Variants in ARID1B observed in about 807,000 individuals in gnomAD.
ARID1B encodes the protein AT-rich interactive domain-containing protein 1B.
A neutral mutation model predicts 212.3 loss-of-function variants in ARID1B; 30 were observed. The ratio of observed to expected loss-of-function variants is 0.14; its 90% confidence interval spans 0.11 to 0.19. The LOEUF (loss-of-function observed/expected upper bound fraction) is 0.19, where lower values mean the gene tolerates loss of function less well. Ranked by LOEUF, ARID1B falls within the 10% of genes least tolerant of loss-of-function variation. The probability of loss-of-function intolerance (pLI) is 1.00; values close to 1 mark genes in which losing one functional copy is unlikely to be tolerated. For missense variants in ARID1B, 2,891 were observed against 3,204.0 expected, an observed-to-expected ratio of 0.90 and a Z score of 2.36; for synonymous variants, 1,402 against 1,301.7, an observed-to-expected ratio of 1.08 and a Z score of -1.66.
chr6:157,147,957 C>T (rs1207793613), intron 7 of ARID1B, among the ~76,000 whole-genome samples: 1 of 137,708 alleles, frequency 7.3e-6, no homozygotes, highest in Non-Finnish European at 1.6e-5. Context: ...GCCAGCTCTC[C>T]TGCTGCCGTG....
At position 157,015,256 on chromosome 6, in the gene ARID1B, T is replaced by C. The variant is rs74504628; in HGVS notation, c.2248-69406T>C. On this transcript the variant is annotated intron_variant, in intron 4 of 19. Coordinates refer to ENST00000636930, the MANE Select transcript of ARID1B (RefSeq NM_001374828.1). ...GGAGAAATGGATAAGTCCCGGAGTT[T>C]TGAGCTTGGGCAGATTGGGAAATAG... is the stretch of plus-strand genomic sequence containing the variant. Among the ~76,000 whole-genome samples the C allele has an allele frequency of 6.6e-3, 1,007 of 152,334 alleles. 18 individuals are homozygous for C. Among genetic ancestry groups the C allele is most frequent in the African/African-American group, 0.023 (958 of 41,578 alleles).
chr6:156,921,454 C>CACACACAT (rs1790783356), intron 3 of ARID1B, among the ~76,000 whole-genome samples: 1 of 139,716 alleles, frequency 7.2e-6, no homozygotes, highest in Non-Finnish European at 1.5e-5. Context: ...CACACACACA[C>CACACACAT]ACACACACAC....
intron 4 of ARID1B, among the ~76,000 whole-genome samples, chr6:157,067,168 C>G (rs1783721497): frequency 6.6e-6 from 1 of 152,168 alleles, no homozygotes; most frequent in Admixed American, 6.5e-5. Flanking sequence ...AGTATTTGTA[C>G]TAGTTTGTCA....
At chr6:156,878,605 C>T (rs1357340891) in intron 2 of ARID1B, among the ~76,000 whole-genome samples, 1 of 152,220 alleles carries the variant, frequency 6.6e-6, no homozygotes, top group Non-Finnish European at 1.5e-5. Flanking sequence ...ATCTAGCTGC[C>T]TGTAACTCCA....
Position 157,209,392 on chromosome 6 carries a change from T to A in ARID1B, c.*1501T>A, listed in dbSNP as rs1238712123. ...TAAAACCCTACATTTGGAAGAGACC[T>A]TTAGGGGTTACCTACTTTAGAGTGG... is the stretch of plus-strand genomic sequence containing the variant. On this transcript the variant is annotated 3_prime_UTR_variant, in exon 20 of 20. Transcript: ENST00000636930. 4.3e-6 allele frequency: 1 copy of A among 232,324 alleles called. No individual in the cohort carries two copies. Among genetic ancestry groups the A allele is most frequent in the African/African-American group, 2.2e-5 (1 of 45,302 alleles). The allele number at this position is 232,324 out of a possible 1,614,324, so 14.4% of individuals were successfully genotyped here.
chr6:156,834,361 T>C (rs1265122124), intron 2 of ARID1B, among the ~76,000 whole-genome samples: 2 of 152,180 alleles, frequency 1.3e-5, no homozygotes, highest in Non-Finnish European at 2.9e-5. Context: ...TGGAGAGGAA[T>C]GGGTGCCTGG....
chr6:157,069,910 T>C (rs1258696982), intron 4 of ARID1B, among the ~76,000 whole-genome samples: 1 of 152,202 alleles, frequency 6.6e-6, no homozygotes, highest in Non-Finnish European at 1.5e-5. Context: ...CGAATAACGT[T>C]TCTCCTTGGA....
intron 4 of ARID1B, among the ~76,000 whole-genome samples, chr6:156,957,178 T>C (rs1164341249): frequency 6.6e-6 from 1 of 152,222 alleles, no homozygotes; most frequent in African/African-American, 2.4e-5. Context: ...GGAGTAAGAA[T>C]GGCACACTTG....
intron 4 of ARID1B, among the ~76,000 whole-genome samples, chr6:157,031,419 A>C (rs1781010187): frequency 6.6e-6 from 1 of 152,220 alleles, no homozygotes; most frequent in East Asian, 1.9e-4. Context: ...TTCCAAGAGC[A>C]TCTAAATTCT....
At chr6:157,046,703 C>T (rs12663192) in intron 4 of ARID1B, among the ~76,000 whole-genome samples, 42,583 of 151,964 alleles carry the variant, frequency 0.28, 6,225 homozygotes, top group Non-Finnish European at 0.32. Context: ...CAAACAAATC[C>T]TTTCATTAAG....
chr6:156,973,700 G>T (rs967900367), intron 4 of ARID1B, among the ~76,000 whole-genome samples: 1 of 152,156 alleles, frequency 6.6e-6, no homozygotes, highest in Non-Finnish European at 1.5e-5. Context: ...GACTTGATTT[G>T]TTTGTCTTGA....
chr6:157,082,863 T>A (rs2128457883), intron 4 of ARID1B, among the ~76,000 whole-genome samples: 1 of 152,388 alleles, frequency 6.6e-6, no homozygotes, highest in East Asian at 1.9e-4. Context: ...AAAGATATTC[T>A]TCTTAGCAGA....
chr6:157,039,479 C>T (rs949833954), intron 4 of ARID1B, among the ~76,000 whole-genome samples: 10 of 151,216 alleles, frequency 6.6e-5, no homozygotes, highest in Non-Finnish European at 7.4e-5. Flanking sequence ...TACAGGCGCC[C>T]GCCACCGCGC....
At position 157,189,751 on chromosome 6, in the gene ARID1B, C is replaced by T. The variant is rs771632801; in HGVS notation, c.4029C>T (p.His1343=). 35 of 1,613,730 alleles carry T rather than the reference C, an allele frequency of 2.2e-5. No individual in the cohort carries two copies. Among genetic ancestry groups the T allele is most frequent in the Middle Eastern group, 1.6e-4 (1 of 6,084 alleles). Residue 1343 remains histidine (H), a synonymous_variant, in exon 14 of 20, where the codon CAC becomes CAT. Transcript: ENST00000636930. The part of the protein sequence containing the change: ...LKPPTPASTP[H]GQMTPMQGGR... ...CACCTACCCCAGCCTCCACCCCTCA[C>T]GGCCAGATGACTCCAATGCAAGGTG...
At chr6:156,834,368 C>T (rs906481486) in intron 2 of ARID1B, among the ~76,000 whole-genome samples, 2 of 152,198 alleles carry the variant, frequency 1.3e-5, no homozygotes, top group African/African-American at 2.4e-5. Flanking sequence ...GAATGGGTGC[C>T]TGGTGCCTGT....
At chr6:157,188,623 G>C (rs1036965582) in intron 13 of ARID1B, among the ~76,000 whole-genome samples, 1 of 152,120 alleles carries the variant, frequency 6.6e-6, no homozygotes, top group Non-Finnish European at 1.5e-5. Flanking sequence ...TTTGTTCGGG[G>C]GGTTCTGCAC....
chr6:156,902,355 G>GTGGA (rs1789015672), intron 3 of ARID1B, among the ~76,000 whole-genome samples: 1 of 152,112 alleles, frequency 6.6e-6, no homozygotes, highest in Admixed American at 6.5e-5. Context: ...CTTTTGTGTG[G>GTGGA]TGGAGGTGGC....
intron 4 of ARID1B, among the ~76,000 whole-genome samples, chr6:156,983,501 T>G (rs542084570): frequency 2.6e-5 from 4 of 152,300 alleles, no homozygotes; most frequent in Admixed American, 2.6e-4. Flanking sequence ...TCAGCCAGCT[T>G]TTTCACTGGG....
At chr6:157,106,279 A>T (rs543725447) in intron 5 of ARID1B, among the ~76,000 whole-genome samples, 6 of 152,184 alleles carry the variant, frequency 3.9e-5, no homozygotes, top group African/African-American at 1.4e-4. Flanking sequence ...AGGCACATTC[A>T]TTATCTCTGT....
Sources: allele counts gnomAD v4.1 joint callset (sites outside exome capture counted in the v4.1 genomes callset), GRCh38; gene constraint gnomAD v4.1.1; transcripts MANE v1.5; gene names NCBI Gene and HGNC (gene_info 2026-07-23, HGNC 2026-07-21).